Variants in FAM78B observed in about 807,000 individuals in gnomAD.
The protein encoded by FAM78B is family with sequence similarity 78 member B, also known as protein FAM78B.
A neutral mutation model predicts 20.0 loss-of-function variants in FAM78B; 10 were observed. That is an observed-to-expected ratio of 0.50 (90% CI 0.31 to 0.85). FAM78B has a LOEUF of 0.85. FAM78B is among the 40% of genes least tolerant of loss of function. FAM78B has a pLI of 0.05. For missense variants in FAM78B, 283 were observed against 345.0 expected (o/e 0.82, Z 1.42); for synonymous variants, 135 against 132.8 (o/e 1.02, Z -0.12).
downstream of FAM78B, among the ~76,000 whole-genome samples, chr1:166,065,321 A>C (rs539633128): frequency 1.3e-5 from 2 of 152,322 alleles, no homozygotes; most frequent in East Asian, 3.9e-4. Context: ...TTCTGCTTCA[A>C]ACTCCTCATA....
Position 166,103,967 on chromosome 1 carries a change from A to G in FAM78B, c.264-33204T>C, listed in dbSNP as rs573583563. On this transcript the variant is annotated intron_variant, in intron 1 of 1. Coordinates refer to ENST00000354422, the MANE Select transcript of FAM78B (RefSeq NM_001017961.5). ...CAAAAATCCTCAATAAAATACTGGCAAACCGAATCCAGCAACACATCCAAA... is the reference window on the plus strand; with the variant it reads ...CAAAAATCCTCAATAAAATACTGGCGAACCGAATCCAGCAACACATCCAAA... Among the ~76,000 whole-genome samples the G allele has an allele frequency of 2.0e-5, 3 of 152,360 alleles. No individual in the cohort carries two copies. In the South Asian group the frequency reaches 6.2e-4, roughly 32 times the overall value.
downstream of FAM78B, among the ~76,000 whole-genome samples, chr1:166,064,546 T>A (rs1258703755): frequency 1.3e-5 from 2 of 152,156 alleles, no homozygotes; most frequent in African/African-American, 4.8e-5. Flanking sequence ...CCTGGAGTGC[T>A]ATGCAAAAAT....
At chr1:166,137,149 T>G (rs1655096781) in intron 1 of FAM78B, among the ~76,000 whole-genome samples, 1 of 152,228 alleles carries the variant, frequency 6.6e-6, no homozygotes, top group African/African-American at 2.4e-5. Flanking sequence ...AATGCTAGAC[T>G]GGAAAAAAAC....
chr1:166,158,890 A>AT (rs751441261), intron 1 of FAM78B, among the ~76,000 whole-genome samples: 18 of 152,234 alleles, frequency 1.2e-4, no homozygotes, highest in Non-Finnish European at 2.2e-4. Context: ...GCTACTGCTA[A>AT]TTTCCTGTTA....
chr1:166,100,317 T>C (rs891433233), intron 1 of FAM78B, among the ~76,000 whole-genome samples: 1 of 152,140 alleles, frequency 6.6e-6, no homozygotes, highest in Non-Finnish European at 1.5e-5. Context: ...ACCGGGTTCA[T>C]CTCATTGGGG....
At chr1:166,067,964 G>A (rs1199206571), downstream of FAM78B, among the ~76,000 whole-genome samples, 1 of 152,164 alleles carries the variant, frequency 6.6e-6, no homozygotes, top group Non-Finnish European at 1.5e-5. Context: ...ATATAGATAA[G>A]CTTCTGAAAA....
chr1:166,102,375 A>G (rs1311984700), intron 1 of FAM78B, among the ~76,000 whole-genome samples: 1 of 152,332 alleles, frequency 6.6e-6, no homozygotes, highest in African/African-American at 2.4e-5. Context: ...CGTAAATGTA[A>G]ATGGGCTAAA....
chr1:166,147,206 G>T (rs1655486355), intron 1 of FAM78B, among the ~76,000 whole-genome samples: 1 of 152,248 alleles, frequency 6.6e-6, no homozygotes, highest in South Asian at 2.1e-4. Flanking sequence ...AGGAAAGGCT[G>T]GTTGTGTGTG....
At chr1:166,096,690 T>C (rs939065431) in intron 1 of FAM78B, among the ~76,000 whole-genome samples, 2 of 152,150 alleles carry the variant, frequency 1.3e-5, no homozygotes, top group Non-Finnish European at 2.9e-5. Flanking sequence ...CTTGTCCTCC[T>C]CTCCTTACCC....
At position 166,070,767 on chromosome 1, in the gene FAM78B, G is replaced by C; in HGVS notation, c.264-4C>G. The C allele has an allele frequency of 1.3e-6, 2 of 1,541,878 alleles. No homozygotes were observed. The highest frequency in any genetic ancestry group is 1.7e-6 in the Non-Finnish European group (2 of 1,147,702). The stretch of plus-strand genomic sequence containing the variant: ...GTCAGGCAGTTCCCAGCTTGACCTG[G>C]CAAAGCAGAAGACATGCACAAGAAA... On this transcript the variant is annotated splice_polypyrimidine_tract_variant and splice_region_variant and intron_variant, in intron 1 of 1. Transcript: ENST00000354422.
chr1:166,057,284 C>T (rs1390399876), downstream of FAM78B: 2 of 152,160 alleles, frequency 1.3e-5, no homozygotes, highest in Non-Finnish European at 2.9e-5. Flanking sequence ...ATGCCTTAGC[C>T]TGCCAGAGCT....
At chr1:166,154,793 A>G (rs1655831278) in intron 1 of FAM78B, 1 of 487,294 alleles carries the variant, frequency 2.1e-6, no homozygotes, top group African/African-American at 2.0e-5. Flanking sequence ...TCTGTCCCTC[A>G]CTAGTTGTGG....
intron 1 of FAM78B, among the ~76,000 whole-genome samples, chr1:166,132,505 G>T (rs1261835397): frequency 3.3e-5 from 5 of 152,202 alleles, no homozygotes; most frequent in Non-Finnish European, 5.9e-5. Context: ...AAACCCAGGT[G>T]TGTGCAAAGT....
chr1:166,076,562 C>T (rs995423736), intron 1 of FAM78B, among the ~76,000 whole-genome samples: 1 of 152,176 alleles, frequency 6.6e-6, no homozygotes, highest in Non-Finnish European at 1.5e-5. Flanking sequence ...CTCCACAGCA[C>T]CTTCTAATAC....
rs74834467 is a variant in FAM78B, at chr1:166,069,961, G to A, written c.*280C>T. 2,523 of 1,144,178 alleles carry A rather than the reference G, an allele frequency of 2.2e-3. 43 individuals carry two copies. In the African/African-American group the frequency reaches 0.037, roughly 17 times the overall value. The allele number at this position is 1,144,178 out of a possible 1,614,324, so 70.9% of individuals were successfully genotyped here. A position where few individuals can be genotyped will look rare whatever the true frequency, so the allele number is the denominator to read the frequency against. On this transcript the variant is annotated 3_prime_UTR_variant, in exon 2 of 2. Coordinates refer to ENST00000354422, the MANE Select transcript of FAM78B (RefSeq NM_001017961.5). The stretch of plus-strand genomic sequence containing the variant: ...GAAATGGTCAATAGTTCAGATAAAA[G>A]AATCATCCTGGTCAGCTCCAAAATA...
At chr1:166,061,570 A>G (rs536231477) in intron 2 of FAM78B, among the ~76,000 whole-genome samples, 8 of 152,354 alleles carry the variant, frequency 5.3e-5, no homozygotes, top group Middle Eastern at 3.4e-3. Flanking sequence ...ACGCCATTAC[A>G]TATATAATTG....
At chr1:166,111,160 A>G (rs1478002525) in intron 1 of FAM78B, among the ~76,000 whole-genome samples, 2 of 152,166 alleles carry the variant, frequency 1.3e-5, no homozygotes, top group Non-Finnish European at 2.9e-5. Context: ...CTTCTCTTTC[A>G]TATCTCCTCT....
At chr1:166,080,521 G>A (rs1652522059) in intron 1 of FAM78B, among the ~76,000 whole-genome samples, 1 of 152,138 alleles carries the variant, frequency 6.6e-6, no homozygotes, top group African/African-American at 2.4e-5. Context: ...TGGTCTAACC[G>A]CTATGTTCAG....
intron 1 of FAM78B, among the ~76,000 whole-genome samples, chr1:166,074,663 TA>T (rs200990941): frequency 1.3e-5 from 2 of 152,116 alleles, no homozygotes; most frequent in South Asian, 2.1e-4. Context: ...TACTCACCTT[TA>T]AAAAAAATCT....
Sources: allele counts gnomAD v4.1 joint callset (sites outside exome capture counted in the v4.1 genomes callset), GRCh38; gene constraint gnomAD v4.1.1; transcripts MANE v1.5; gene names NCBI Gene and HGNC (gene_info 2026-07-23, HGNC 2026-07-21).